Variants in DLC1 observed in about 807,000 individuals in gnomAD.
The protein encoded by DLC1 is DLC1 Rho GTPase activating protein, also known as rho GTPase-activating protein 7.
In DLC1, 54 loss-of-function variants were observed where a neutral mutation model predicts 140.3. The ratio of observed to expected loss-of-function variants is 0.38; its 90% confidence interval spans 0.31 to 0.48. The LOEUF (loss-of-function observed/expected upper bound fraction) is 0.48, where lower values mean the gene tolerates loss of function less well. Among genes scored for constraint, DLC1 ranks in the 20% least tolerant of loss-of-function variants. DLC1 has a pLI of 0.96. For missense variants in DLC1, 2,536 were observed against 1,907.0 expected (o/e 1.33, Z -6.14); for synonymous variants, 986 against 728.1 (o/e 1.35, Z -5.70).
Position 13,254,926 on chromosome 8 carries a change from T to C in DLC1, c.1348+50343A>G, listed in dbSNP as rs187215292. Among the ~76,000 whole-genome samples, 469 of 152,274 alleles carry C rather than the reference T, an allele frequency of 3.1e-3. 2 individuals carry two copies. The highest frequency in any genetic ancestry group is 0.011 in the African/African-American group (444 of 41,566). ...GATCTGGATTTTAATTCTGACTCCT[T>C]GAGTTACTATATGATCTTGGAAGAG... On this transcript the variant is annotated intron_variant, in intron 5 of 17. Transcript: ENST00000276297.
chr8:13,532,689 C>T (rs948084273), intron 1 of DLC1, among the ~76,000 whole-genome samples: 9 of 152,116 alleles, frequency 5.9e-5, no homozygotes, highest in African/African-American at 2.4e-5. Flanking sequence ...CTCTTGGGCT[C>T]AAGTAACCTC....
At chr8:13,121,778 C>T (rs1274629012) in intron 5 of DLC1, among the ~76,000 whole-genome samples, 2 of 152,072 alleles carry the variant, frequency 1.3e-5, no homozygotes, top group Non-Finnish European at 2.9e-5. Flanking sequence ...ATCTCAAACT[C>T]CTGGGCTCAG....
chr8:13,168,068 A>C (rs528054641), intron 5 of DLC1, among the ~76,000 whole-genome samples: 1 of 152,184 alleles, frequency 6.6e-6, no homozygotes, highest in Non-Finnish European at 1.5e-5. Flanking sequence ...ATGTTGTCTC[A>C]GATTGGCCTC....
intron 2 of DLC1, among the ~76,000 whole-genome samples, chr8:13,443,594 C>T (rs912871123): frequency 2.1e-5 from 3 of 145,636 alleles, no homozygotes; most frequent in Admixed American, 7.2e-5. Flanking sequence ...AGAGGCGGAG[C>T]TTGCAGTGAG....
intron 5 of DLC1, among the ~76,000 whole-genome samples, chr8:13,218,942 T>TTATATCATTATATACG (rs1828366694): frequency 1.3e-5 from 1 of 74,722 alleles, no homozygotes; most frequent in Non-Finnish European, 2.5e-5. Flanking sequence ...ACGAATATGA[T>TTATATCATTATATACG]TATATAATTA....
chr8:13,439,543 A>G (rs1331703797), intron 2 of DLC1, among the ~76,000 whole-genome samples: 1 of 152,170 alleles, frequency 6.6e-6, no homozygotes, highest in African/African-American at 2.4e-5. Flanking sequence ...TTCAAATGCA[A>G]TTAGTATTTG....
At chr8:13,444,017 C>G (rs1798665693) in intron 2 of DLC1, among the ~76,000 whole-genome samples, 2 of 151,956 alleles carry the variant, frequency 1.3e-5, no homozygotes, top group Admixed American at 1.3e-4. Context: ...AAAACAATAT[C>G]TTAAACTCTA....
intron 4 of DLC1, among the ~76,000 whole-genome samples, chr8:13,374,242 C>T (rs776630397): frequency 2.0e-5 from 3 of 152,126 alleles, no homozygotes; most frequent in African/African-American, 4.8e-5. Flanking sequence ...TCTCCAAATC[C>T]AAGCTTCGAC....
At chr8:13,506,172 CAT>C (rs1455606672) in intron 1 of DLC1, among the ~76,000 whole-genome samples, 7 of 151,314 alleles carry the variant, frequency 4.6e-5, no homozygotes, top group Admixed American at 1.3e-4. Flanking sequence ...TATACACACA[CAT>C]ATATACACAT....
intron 5 of DLC1, among the ~76,000 whole-genome samples, chr8:13,272,826 A>T (rs1322101166): frequency 2.0e-5 from 3 of 152,226 alleles, no homozygotes; most frequent in Non-Finnish European, 4.4e-5. Flanking sequence ...GTGAGCCGAG[A>T]TCGCGCCACT....
chr8:13,578,821 C>T (rs1804940162), intron 1 of DLC1, among the ~76,000 whole-genome samples: 1 of 152,092 alleles, frequency 6.6e-6, no homozygotes, highest in South Asian at 2.1e-4. Context: ...CAGAAGCCCT[C>T]CAAACCCTGT....
chr8:13,379,026 T>A (rs1586238217), intron 4 of DLC1, among the ~76,000 whole-genome samples: 1 of 152,232 alleles, frequency 6.6e-6, no homozygotes, highest in Non-Finnish European at 1.5e-5. Context: ...GCATCAGATA[T>A]GCAATAAATG....
At chr8:13,356,041 G>C (rs187359454) in intron 4 of DLC1, among the ~76,000 whole-genome samples, 1 of 123,618 alleles carries the variant, frequency 8.1e-6, no homozygotes, top group Admixed American at 1.1e-4. Context: ...AGTGAGCCGG[G>C]ATCGCGCCAC....
intron 4 of DLC1, among the ~76,000 whole-genome samples, chr8:13,309,032 T>C (rs1473698009): frequency 1.3e-5 from 2 of 152,180 alleles, no homozygotes; most frequent in African/African-American, 4.8e-5. Context: ...CCTATTTGAA[T>C]ATACAATTTA....
At chr8:13,596,984 A>G (rs756637777) in intron 1 of DLC1, among the ~76,000 whole-genome samples, 1 of 151,674 alleles carries the variant, frequency 6.6e-6, no homozygotes, top group East Asian at 1.9e-4. Context: ...TGTTTTTTCT[A>G]TGTTCGTTTG....
chr8:13,209,739 C>T (rs1827847827), intron 5 of DLC1, among the ~76,000 whole-genome samples: 1 of 152,090 alleles, frequency 6.6e-6, no homozygotes, highest in South Asian at 2.1e-4. Flanking sequence ...CCTCCTGTCT[C>T]TCTTGCTGCT....
intron 4 of DLC1, among the ~76,000 whole-genome samples, chr8:13,308,929 C>A (rs1832562713): frequency 6.6e-6 from 1 of 152,112 alleles, no homozygotes; most frequent in South Asian, 2.1e-4. Context: ...ATATCTATTT[C>A]TGGGCTCAGA....
intron 4 of DLC1, among the ~76,000 whole-genome samples, chr8:13,379,734 G>A (rs67800147): frequency 0.13 from 19,891 of 152,086 alleles, 1,472 homozygotes; most frequent in Non-Finnish European, 0.17. Context: ...TTTTCTGTAC[G>A]CATCAACCCA....
chr8:13,284,935 T>C (rs1378943737), intron 5 of DLC1, among the ~76,000 whole-genome samples: 3 of 152,222 alleles, frequency 2.0e-5, no homozygotes, highest in Non-Finnish European at 4.4e-5. Flanking sequence ...ACAATATTGC[T>C]AGGTTGTTAA....
Sources: allele counts gnomAD v4.1 joint callset (sites outside exome capture counted in the v4.1 genomes callset), GRCh38; gene constraint gnomAD v4.1.1; transcripts MANE v1.5; gene names NCBI Gene and HGNC (gene_info 2026-07-23, HGNC 2026-07-21).